GSE1: variants seen among roughly 807,000 people sequenced by gnomAD.
GSE1 encodes genetic suppressor element 1.
A neutral mutation model predicts 112.6 loss-of-function variants in GSE1; 32 were observed. The observed-to-expected ratio is 0.28, with a 90% confidence interval of 0.21 to 0.38. GSE1 has a LOEUF of 0.38. GSE1 is among the 10% of genes least tolerant of loss of function. The probability of loss-of-function intolerance (pLI) is 1.00; values close to 1 mark genes in which losing one functional copy is unlikely to be tolerated. For synonymous variants in GSE1, 1,115 were observed against 735.6 expected (o/e 1.52, Z -8.35); for missense variants, 2,348 against 1,699.2 (o/e 1.38, Z -6.71).
chr16:85,281,906 G>T (rs2044868644), intron 1 of GSE1, among the ~76,000 whole-genome samples: 1 of 152,186 alleles, frequency 6.6e-6, no homozygotes, highest in African/African-American at 2.4e-5. Flanking sequence ...GCATTATTTT[G>T]CCAGAAACCT....
chr16:85,443,219 T>C (rs7403944), intron 2 of GSE1, among the ~76,000 whole-genome samples: 149,543 of 152,296 alleles, frequency 0.98, 73,489 homozygotes, highest in East Asian at 1. Flanking sequence ...TGCTGCTGCC[T>C]GCTCCGTGAG....
At position 85,521,761 on chromosome 16, in the gene GSE1, C is replaced by T. The variant is rs190835628; in HGVS notation, c.2465-112153C>T. Among the ~76,000 whole-genome samples, 268 of 152,346 alleles carry T rather than the reference C, an allele frequency of 1.8e-3. 1 individual carries two copies. Among genetic ancestry groups the T allele is most frequent in the African/African-American group, 5.9e-3 (245 of 41,578 alleles). On this transcript the variant is annotated intron_variant, in intron 2 of 2. Transcript: ENST00000637419. ...CAGGGGCCTGGTTGTGCACTGGAGC[C>T]GCCCTGAGAGGGGCCAGCCTCTTTC...
intron 1 of GSE1, among the ~76,000 whole-genome samples, chr16:85,211,200 C>G (rs985320118): frequency 6.6e-6 from 1 of 152,204 alleles, no homozygotes; most frequent in African/African-American, 2.4e-5. Context: ...TAGGGCCTCA[C>G]TTCTAGGGGG....
At chr16:85,542,123 G>C (rs2044541349) in intron 2 of GSE1, among the ~76,000 whole-genome samples, 1 of 152,178 alleles carries the variant, frequency 6.6e-6, no homozygotes, top group Non-Finnish European at 1.5e-5. Context: ...TTGGAGGAGG[G>C]GGAGCCCGCT....
intron 1 of GSE1, among the ~76,000 whole-genome samples, chr16:85,561,649 C>T (rs1189232654): frequency 6.6e-6 from 1 of 152,342 alleles, no homozygotes; most frequent in African/African-American, 2.4e-5. Flanking sequence ...CTCTAGGACT[C>T]GGGGTCCCCC....
chr16:85,338,366 C>G (rs573750690), intron 1 of GSE1, among the ~76,000 whole-genome samples: 92 of 152,312 alleles, frequency 6.0e-4, no homozygotes, highest in African/African-American at 2.1e-3. Flanking sequence ...TAGATGTCCC[C>G]CAAGGTTAAC....
chr16:85,209,899 G>A (rs2075195878), intron 1 of GSE1, among the ~76,000 whole-genome samples: 1 of 152,226 alleles, frequency 6.6e-6, no homozygotes, highest in Non-Finnish European at 1.5e-5. Flanking sequence ...ACCAGAGACT[G>A]GTACTGAGCT....
At chr16:85,351,399 C>G (rs1019466072) in intron 1 of GSE1, among the ~76,000 whole-genome samples, 2 of 152,152 alleles carry the variant, frequency 1.3e-5, no homozygotes, top group Admixed American at 6.5e-5. Flanking sequence ...GAAGGCAGCA[C>G]AAAAGGCCAC....
intron 2 of GSE1, among the ~76,000 whole-genome samples, chr16:85,365,283 C>G (rs973979392): frequency 6.6e-6 from 1 of 152,236 alleles, no homozygotes; most frequent in Non-Finnish European, 1.5e-5. Flanking sequence ...TCTGAGAAAC[C>G]TGCCTGAGAC....
intron 2 of GSE1, among the ~76,000 whole-genome samples, chr16:85,474,049 G>A (rs184760067): frequency 6.6e-6 from 1 of 152,264 alleles, no homozygotes; most frequent in Admixed American, 6.5e-5. Context: ...CCCAGCAGAG[G>A]AGAAACATGA....
intron 1 of GSE1, among the ~76,000 whole-genome samples, chr16:85,334,589 C>G (rs932890587): frequency 2.0e-5 from 3 of 152,228 alleles, no homozygotes; most frequent in Non-Finnish European, 4.4e-5. Context: ...AGTGCATTGA[C>G]TTTTGGGGAC....
chr16:85,591,198 C>T (rs1465909782), intron 1 of GSE1, among the ~76,000 whole-genome samples: 1 of 152,236 alleles, frequency 6.6e-6, no homozygotes, highest in African/African-American at 2.4e-5. Context: ...ATCCAGAGAA[C>T]AGCGCCTGAC....
At chr16:85,521,281 A>G (rs2052176956) in intron 2 of GSE1, among the ~76,000 whole-genome samples, 1 of 152,130 alleles carries the variant, frequency 6.6e-6, no homozygotes, top group African/African-American at 2.4e-5. Context: ...CCAAAGAGTG[A>G]CCCTGTGCCT....
At chr16:85,435,077 A>G (rs2049213234) in intron 2 of GSE1, among the ~76,000 whole-genome samples, 1 of 152,218 alleles carries the variant, frequency 6.6e-6, no homozygotes, top group Non-Finnish European at 1.5e-5. Flanking sequence ...TTGGAACAGG[A>G]GGTCCCCATT....
At chr16:85,498,227 G>A (rs1236336548) in intron 2 of GSE1, among the ~76,000 whole-genome samples, 1 of 152,106 alleles carries the variant, frequency 6.6e-6, no homozygotes, top group Non-Finnish European at 1.5e-5. Flanking sequence ...ATCCTTCCAC[G>A]GCACTGAACT....
intron 1 of GSE1, among the ~76,000 whole-genome samples, chr16:85,286,800 G>C (rs1015821218): frequency 2.0e-5 from 3 of 151,962 alleles, no homozygotes; most frequent in African/African-American, 7.3e-5. Flanking sequence ...GAGTTCGTAT[G>C]ATCAGCGAGT....
At chr16:85,489,116 C>T (rs2050931301) in intron 2 of GSE1, among the ~76,000 whole-genome samples, 1 of 152,158 alleles carries the variant, frequency 6.6e-6, no homozygotes, top group Non-Finnish European at 1.5e-5. Context: ...ATGAGCTACC[C>T]ACAGCCTGGG....
intron 2 of GSE1, among the ~76,000 whole-genome samples, chr16:85,365,672 G>T (rs1158422554): frequency 6.6e-6 from 1 of 152,152 alleles, no homozygotes; most frequent in Non-Finnish European, 1.5e-5. Context: ...GTTTGTAGAA[G>T]GCGAAGGTTT....
intron 2 of GSE1, among the ~76,000 whole-genome samples, chr16:85,448,410 G>C (rs2151796816): frequency 6.6e-6 from 1 of 152,302 alleles, no homozygotes; most frequent in Middle Eastern, 3.4e-3. Flanking sequence ...AAAGCAGAGA[G>C]GCCAGCTGCA....
Sources: gnomAD v4.1 joint callset for allele counts (sites outside exome capture counted in the v4.1 genomes callset) on GRCh38, gnomAD v4.1.1 for gene constraint, MANE v1.5 for transcripts, NCBI Gene and HGNC (gene_info 2026-07-23, HGNC 2026-07-21) for gene names.